The following SEMA3A variants were observed in gnomAD, a reference collection of about 807,000 sequenced individuals.
SEMA3A encodes semaphorin 3A.
SEMA3A carries 29 observed loss-of-function variants against 97.9 expected under a neutral mutation model. The ratio of observed to expected loss-of-function variants is 0.30; its 90% CI spans 0.22 to 0.40. SEMA3A has a LOEUF of 0.40. Among genes scored for constraint, SEMA3A ranks in the 10% least tolerant of loss-of-function variants. SEMA3A has a pLI of 1.00. For missense variants in SEMA3A, 763 were observed against 951.3 expected (o/e 0.80, Z 2.60); for synonymous variants, 321 against 323.7 (o/e 0.99, Z 0.09).
rs142574607 is a variant in SEMA3A, at chr7:84,000,869, G to C, written c.1452+1086C>G. 1.1e-4 allele frequency among the ~76,000 whole-genome samples: 17 copies of C among 152,022 alleles called. 1 individual carries two copies. Among genetic ancestry groups the C allele is most frequent in the African/African-American group, 3.9e-4 (16 of 41,450 alleles). On this transcript the variant is annotated intron_variant, in intron 12 of 16. Coordinates refer to ENST00000265362, the MANE Select transcript of SEMA3A (RefSeq NM_006080.3). Reference sequence around the variant, plus strand: ...GAGTGAGGAATAACATTGTATATAGGTATGAAATTGTTGGGGTAAGACATC... The same window carrying C: ...GAGTGAGGAATAACATTGTATATAGCTATGAAATTGTTGGGGTAAGACATC...
At chr7:84,345,417 T>C (rs551895890) in intron 2 of SEMA3A, among the ~76,000 whole-genome samples, 37 of 152,142 alleles carry the variant, frequency 2.4e-4, no homozygotes, top group Non-Finnish European at 2.1e-4. Context: ...GCCACACTGA[T>C]TGGCTCTTTC....
Position 83,957,909 on chromosome 7 carries a change from C to T in SEMA3A, c.*3462G>A, listed in dbSNP as rs2116230974. 6.6e-6 allele frequency: 1 copy of T among 152,042 alleles called. No homozygotes were observed. Among genetic ancestry groups the T allele is most frequent in the South Asian group, 2.1e-4 (1 of 4,820 alleles). The allele number at this position is 152,042 out of a possible 1,614,324, so 9.4% of individuals were successfully genotyped here. A position where few individuals can be genotyped will look rare whatever the true frequency, so the allele number is the denominator to read the frequency against. On this transcript the variant is annotated 3_prime_UTR_variant, in exon 17 of 17. Transcript: ENST00000265362. ...GTCTTTGAAACCATGAAACCTGATA[C>T]AGTTTCATTAAATTGAATGGAAATT...
Position 84,005,428 on chromosome 7 carries a change from T to G in SEMA3A, c.1271A>C (p.Lys424Thr). Residue 424 changes from lysine to threonine, a missense_variant, in exon 11 of 17, where the codon AAA becomes ACA. Physicochemically the swap from Lys to Thr is moderately conservative, Grantham distance 78 (BLOSUM62 -1). Around this residue, in one of 2 missense-constraint regions of SEMA3A, gnomAD observed 678 missense variants for 881.3 expected, o/e 0.77. Coordinates refer to ENST00000265362, the MANE Select transcript of SEMA3A (RefSeq NM_006080.3). ...TGTAAATTGATAATTTACATCCGTT[T>G]TGATCACTATTGGGCGATTGTTCAT... ...FPMNNRPIVI[K>T]TDVNYQFTQI... The G allele has an allele frequency of 6.2e-7, 1 of 1,613,936 alleles. No individual in the cohort carries two copies. Among genetic ancestry groups the G allele is most frequent in the Non-Finnish European group, 8.5e-7 (1 of 1,179,820 alleles).
At chr7:84,204,954 C>A (rs904462963) in intron 3 of SEMA3A, among the ~76,000 whole-genome samples, 2 of 152,140 alleles carry the variant, frequency 1.3e-5, no homozygotes, top group African/African-American at 2.4e-5. Flanking sequence ...TTGTGGCTTG[C>A]ACAGAAAGAA....
At chr7:84,347,489 G>T (rs1316629913) in intron 2 of SEMA3A, among the ~76,000 whole-genome samples, 2 of 146,560 alleles carry the variant, frequency 1.4e-5, no homozygotes, top group Non-Finnish European at 3.0e-5. Flanking sequence ...TCAGCTCATT[G>T]CAACCTCTGC....
chr7:84,424,677 A>G (rs1168485175), intron 1 of SEMA3A, among the ~76,000 whole-genome samples: 3 of 89,518 alleles, frequency 3.4e-5, no homozygotes, highest in South Asian at 7.7e-4. Flanking sequence ...GTTATATAAT[A>G]TATAAATATA....
chr7:84,477,073 A>AAAATAT (rs372931949), intron 1 of SEMA3A, among the ~76,000 whole-genome samples: 4 of 140,570 alleles, frequency 2.8e-5, no homozygotes, highest in Non-Finnish European at 4.6e-5. Flanking sequence ...AAAAAAAAAA[A>AAAATAT]ATATATATAT....
intron 2 of SEMA3A, among the ~76,000 whole-genome samples, chr7:84,348,399 T>A (rs1802355785): frequency 6.6e-6 from 1 of 152,198 alleles, no homozygotes; most frequent in East Asian, 1.9e-4. Flanking sequence ...GTTTACCTTT[T>A]TGGTTTAAGA....
At chr7:83,978,003 C>G (rs1480311662) in intron 14 of SEMA3A, among the ~76,000 whole-genome samples, 4 of 151,994 alleles carry the variant, frequency 2.6e-5, no homozygotes, top group Non-Finnish European at 5.9e-5. Context: ...CGGGATTTCA[C>G]CGTGTTAGCC....
chr7:84,031,895 C>T (rs185351609), intron 6 of SEMA3A, among the ~76,000 whole-genome samples: 15 of 152,194 alleles, frequency 9.9e-5, no homozygotes, highest in African/African-American at 3.6e-4. Flanking sequence ...TAAATTTATG[C>T]TTTCTTTCCT....
chr7:84,129,550 T>C (rs1198701152), intron 2 of SEMA3A, among the ~76,000 whole-genome samples: 2 of 152,148 alleles, frequency 1.3e-5, no homozygotes, highest in Non-Finnish European at 2.9e-5. Flanking sequence ...AGAATATGGC[T>C]CAGATTCTTC....
intron 1 of SEMA3A, among the ~76,000 whole-genome samples, chr7:84,162,033 T>C (rs115812644): frequency 0.012 from 1,882 of 152,266 alleles, 50 homozygotes; most frequent in African/African-American, 0.043. Flanking sequence ...TATGGTCTTA[T>C]TGGATTTACT....
intron 3 of SEMA3A, among the ~76,000 whole-genome samples, chr7:84,280,968 G>T (rs1343659761): frequency 2.0e-5 from 3 of 152,028 alleles, no homozygotes; most frequent in Non-Finnish European, 2.9e-5. Context: ...CCCACTTACT[G>T]TTATAAACGA....
chr7:84,415,866 A>G (rs955731738), intron 1 of SEMA3A, among the ~76,000 whole-genome samples: 28 of 152,078 alleles, frequency 1.8e-4, no homozygotes, highest in African/African-American at 6.0e-4. Context: ...TTCAAATATC[A>G]TAATTGCTAC....
intron 1 of SEMA3A, among the ~76,000 whole-genome samples, chr7:84,417,281 T>C (rs1475841149): frequency 6.6e-6 from 1 of 152,186 alleles, no homozygotes; most frequent in Non-Finnish European, 1.5e-5. Context: ...TACAGTGTTG[T>C]TTGGTCCAGA....
At chr7:84,354,712 C>T (rs1178952599) in intron 2 of SEMA3A, among the ~76,000 whole-genome samples, 1 of 151,188 alleles carries the variant, frequency 6.6e-6, no homozygotes, top group Non-Finnish European at 1.5e-5. Context: ...CATTATGGTC[C>T]AAGAAAGAAG....
At chr7:84,382,940 G>C (rs1018097233) in intron 1 of SEMA3A, among the ~76,000 whole-genome samples, 7 of 151,858 alleles carry the variant, frequency 4.6e-5, no homozygotes, top group Non-Finnish European at 8.8e-5. Flanking sequence ...AAGCTAACTT[G>C]TGTTTAGAAA....
chr7:84,194,706 A>T lies in SEMA3A; in HGVS notation c.-120T>A. The stretch of plus-strand genomic sequence containing the variant: ...GGTGATTTAGGTCAGTTTCATTCAT[A>T]AATGCAGACAATCAAGACCTCATGG... On this transcript the variant is annotated 5_prime_UTR_variant, in exon 1 of 17. Transcript: ENST00000265362. 1 of 651,174 alleles carries T rather than the reference A, an allele frequency of 1.5e-6. No individual in the cohort carries two copies. Among genetic ancestry groups the T allele is most frequent in the Non-Finnish European group, 2.8e-6 (1 of 361,770 alleles). The allele number at this position is 651,174 out of a possible 1,614,324, so 40.3% of individuals were successfully genotyped here.
chr7:84,113,225 T>C (rs1266273370), intron 3 of SEMA3A, among the ~76,000 whole-genome samples: 1 of 152,170 alleles, frequency 6.6e-6, no homozygotes, highest in Non-Finnish European at 1.5e-5. Context: ...GGAAAGTGCA[T>C]TAAAAGAACT....
Sources: gnomAD v4.1 joint callset for allele counts (sites outside exome capture counted in the v4.1 genomes callset) on GRCh38, gnomAD v4.1.1 for gene constraint, gnomAD v4.1.1 regional missense constraint, MANE v1.5 for transcripts, NCBI Gene and HGNC (gene_info 2026-07-23, HGNC 2026-07-21) for gene names.